The following CFAP54 variants were observed in gnomAD, a reference collection of about 807,000 sequenced individuals.
CFAP54 encodes cilia- and flagella-associated protein 54.
A neutral mutation model predicts 370.4 loss-of-function variants in CFAP54; 290 were observed. That is an observed-to-expected ratio of 0.78 (90% CI 0.71 to 0.86). The LOEUF is 0.86. CFAP54 is among the 40% of genes least tolerant of loss of function. The pLI is 0.00. For synonymous variants in CFAP54, 1,206 were observed against 1,236.5 expected, an observed-to-expected ratio of 0.98 and a Z score of 0.52; for missense variants, 3,399 against 3,528.7, an observed-to-expected ratio of 0.96 and a Z score of 0.93.
chr12:96,604,540 A>T (rs1381921588), intron 26 of CFAP54, among the ~76,000 whole-genome samples: 1 of 152,220 alleles, frequency 6.6e-6, no homozygotes, highest in African/African-American at 2.4e-5. Flanking sequence ...GCTGCCTTTT[A>T]TTCAGATATG....
chr12:96,678,728 G>A (rs936481486), intron 39 of CFAP54, among the ~76,000 whole-genome samples: 2 of 152,042 alleles, frequency 1.3e-5, no homozygotes, highest in African/African-American at 4.8e-5. Flanking sequence ...ATTTTGGCAT[G>A]TAACCAAATA....
At chr12:96,765,035 G>A in intron 59 of CFAP54, 42 bp from the exon 60 acceptor site, 3 of 1,316,626 alleles carry the variant, frequency 2.3e-6, no homozygotes, top group Non-Finnish European at 3.0e-6. Flanking sequence ...CTATGAATTA[G>A]AAAGCTTATA....
Position 96,784,857 on chromosome 12 carries a change from C to G in CFAP54, c.8422C>G (p.Leu2808Val). The G allele has an allele frequency of 1.3e-6, 2 of 1,528,756 alleles. No individual in the cohort carries two copies. Among genetic ancestry groups the G allele is most frequent in the East Asian group, 2.5e-5 (1 of 40,554 alleles). The allele number at this position is 1,528,756 out of a possible 1,614,324, so 94.7% of individuals were successfully genotyped here. The change falls in exon 61 of 68, where the codon CTT becomes GTT. Residue 2808 changes from leucine to valine, a missense_variant. Leu to Val is a conservative substitution (Grantham distance 32). This residue lies in a region of CFAP54 where 2,796 missense variants were observed against 2,869.7 expected (regional missense o/e 0.97). Transcript: ENST00000524981. ...CCTTCTACTGCGCTACTATATTCAC[C>G]TTCAGAGGATTAATAATCTGAGCAA... Reference protein sequence around the residue: ...WILLLRYYIHLQRINNLSKLL... With the variant: ...WILLLRYYIHVQRINNLSKLL...
intron 62 of CFAP54, among the ~76,000 whole-genome samples, chr12:96,787,162 G>A (rs1958637852): frequency 6.6e-6 from 1 of 152,126 alleles, no homozygotes; most frequent in Non-Finnish European, 1.5e-5. Context: ...GCACAAAACA[G>A]CATCTCTCAA....
At chr12:96,513,069 T>G (rs1441746792) in intron 5 of CFAP54, 25 bp downstream of exon 5, 2 of 1,406,296 alleles carry the variant, frequency 1.4e-6, no homozygotes, top group Admixed American at 2.3e-5. Context: ...GACAAAATAT[T>G]TTCCCCTCTA....
chr12:96,540,079 A>G (rs893538362), intron 13 of CFAP54: 7 of 152,172 alleles, frequency 4.6e-5, no homozygotes, highest in African/African-American at 1.7e-4. Context: ...AGCTTTGGGG[A>G]TACAGGCATG....
chr12:96,729,536 C>G (rs948348312), intron 50 of CFAP54, among the ~76,000 whole-genome samples: 2 of 152,220 alleles, frequency 1.3e-5, no homozygotes, highest in African/African-American at 4.8e-5. Context: ...CTAAGCCCAT[C>G]GGAAAAGCTC....
intron 65 of CFAP54, among the ~76,000 whole-genome samples, chr12:96,820,878 T>C (rs1041191379): frequency 6.6e-6 from 1 of 152,238 alleles, no homozygotes; most frequent in African/African-American, 2.4e-5. Context: ...ACCATATTGC[T>C]GTTTTTGAGC....
At chr12:96,671,252 A>G (rs969564009) in intron 39 of CFAP54, among the ~76,000 whole-genome samples, 34 of 152,262 alleles carry the variant, frequency 2.2e-4, no homozygotes, top group South Asian at 4.1e-4. Flanking sequence ...GATTACAGGC[A>G]TGAGCCACTG....
At chr12:96,572,874 C>G (rs1955936655) in intron 19 of CFAP54, 1 of 985,216 alleles carries the variant, frequency 1.0e-6, no homozygotes, top group Admixed American at 6.2e-5. Flanking sequence ...ATAGCCATGG[C>G]AGAACACAGA....
chr12:96,702,689 A>G (rs555865704), intron 46 of CFAP54, among the ~76,000 whole-genome samples: 15 of 152,346 alleles, frequency 9.8e-5, no homozygotes, highest in Admixed American at 9.1e-4. Flanking sequence ...CAGATTTTGT[A>G]TTCTCAAAGT....
chr12:96,615,750 A>G (rs1416308586), intron 26 of CFAP54, among the ~76,000 whole-genome samples: 1 of 152,274 alleles, frequency 6.6e-6, no homozygotes, highest in Non-Finnish European at 1.5e-5. Flanking sequence ...CAGCCAAAAG[A>G]CACATGAAAA....
chr12:96,675,704 A>G (rs1308197523), intron 39 of CFAP54, among the ~76,000 whole-genome samples: 1 of 152,184 alleles, frequency 6.6e-6, no homozygotes, highest in African/African-American at 2.4e-5. Flanking sequence ...TCCAACAATG[A>G]TAGACTGGAT....
At chr12:96,563,312 C>A (rs907808064) in intron 17 of CFAP54, among the ~76,000 whole-genome samples, 2 of 152,168 alleles carry the variant, frequency 1.3e-5, no homozygotes, top group Non-Finnish European at 2.9e-5. Context: ...GAATTGCCAT[C>A]CTAGCACAGC....
At chr12:96,749,541 T>A (rs1159870002) in intron 55 of CFAP54, among the ~76,000 whole-genome samples, 1 of 152,218 alleles carries the variant, frequency 6.6e-6, no homozygotes, top group Non-Finnish European at 1.5e-5. Context: ...TTGACTATTA[T>A]TATTTATATA....
intron 3 of CFAP54, among the ~76,000 whole-genome samples, chr12:96,504,295 A>G (rs1955065974): frequency 6.6e-6 from 1 of 152,238 alleles, no homozygotes; most frequent in Non-Finnish European, 1.5e-5. Flanking sequence ...CATTTAGTTT[A>G]TAAAGTGCTT....
chr12:96,778,559 T>C (rs1958548415), intron 60 of CFAP54, among the ~76,000 whole-genome samples: 1 of 152,208 alleles, frequency 6.6e-6, no homozygotes, highest in South Asian at 2.1e-4. Flanking sequence ...TCCTTCTCTA[T>C]ACATTCTACT....
chr12:96,793,514 G>C (rs912367713), intron 63 of CFAP54, among the ~76,000 whole-genome samples: 1 of 151,994 alleles, frequency 6.6e-6, no homozygotes, highest in South Asian at 2.1e-4. Context: ...ATAAACGTTC[G>C]TGTGCAAGTA....
At chr12:96,750,787 G>A (rs891038602) in intron 55 of CFAP54, among the ~76,000 whole-genome samples, 1 of 152,160 alleles carries the variant, frequency 6.6e-6, no homozygotes, top group African/African-American at 2.4e-5. Flanking sequence ...ACTTAAGGCT[G>A]AACAGCTTGC....
Sources: gnomAD v4.1 joint callset for allele counts (sites outside exome capture counted in the v4.1 genomes callset) on GRCh38, gnomAD v4.1.1 for gene constraint, gnomAD v4.1.1 regional missense constraint, MANE v1.5 for transcripts, NCBI Gene and HGNC (gene_info 2026-07-23, HGNC 2026-07-21) for gene names.